LTBP1: variants seen among roughly 807,000 people sequenced by gnomAD.
LTBP1 encodes latent transforming growth factor beta binding protein 1, also known as latent-transforming growth factor beta-binding protein 1.
In LTBP1, 129 loss-of-function variants were observed where a neutral mutation model predicts 207.6. The observed-to-expected ratio is 0.62, with a 90% CI of 0.54 to 0.72. The LOEUF is 0.72. Among genes scored for constraint, LTBP1 ranks in the 30% least tolerant of loss-of-function variants. The pLI, the probability that LTBP1 is intolerant of heterozygous loss-of-function variation, is 0.00. For synonymous variants in LTBP1, 963 were observed against 833.7 expected (o/e 1.16, Z -2.67); for missense variants, 2,281 against 2,217.2 (o/e 1.03, Z -0.58).
At chr2:33,162,510 G>A (rs2084555564) in intron 5 of LTBP1, among the ~76,000 whole-genome samples, 1 of 152,100 alleles carries the variant, frequency 6.6e-6, no homozygotes, top group African/African-American at 2.4e-5. Flanking sequence ...CTTTGTTCTT[G>A]TCCTCAAATC....
chr2:33,209,662 T>TTCTATA (rs1256692635), intron 7 of LTBP1, among the ~76,000 whole-genome samples: 2 of 152,244 alleles, frequency 1.3e-5, no homozygotes, highest in Non-Finnish European at 2.9e-5. Flanking sequence ...TTTCTTTTAT[T>TTCTATA]TCTATATCTA....
chr2:33,082,431 A>AATTTTTTTTTTTTTTTTTTTTTTT lies in LTBP1; in HGVS notation c.864-28151_864-28150insATTTTTTTTTTTTTTTTTTTTTTT, dbSNP rs2078468929. Among the ~76,000 whole-genome samples, 2 of 116,044 alleles carry AATTTTTTTTTTTTTTTTTTTTTTT rather than the reference A, an allele frequency of 1.7e-5. 1 individual carries two copies. The highest frequency in any genetic ancestry group is 6.7e-5 in the African/African-American group (2 of 29,924). The allele number at this position is 116,044 out of a possible 152,430, so 76.1% of individuals were successfully genotyped here. On this transcript the variant is annotated intron_variant, in intron 3 of 33. Coordinates refer to ENST00000404816, the MANE Select transcript of LTBP1 (RefSeq NM_206943.4). ...GTTAACCGTGGCTAAAGTATGACTCACTTTTTTTTTTTTTTTTTTTTTTTT... is the reference window on the plus strand; with the variant it reads ...GTTAACCGTGGCTAAAGTATGACTCAATTTTTTTTTTTTTTTTTTTTTTTCTTTTTTTTTTTTTTTTTTTTTTTT...
chr2:33,014,023 G>T (rs1231570286), intron 2 of LTBP1, among the ~76,000 whole-genome samples: 1 of 152,114 alleles, frequency 6.6e-6, no homozygotes, highest in Non-Finnish European at 1.5e-5. Context: ...AAAATAGGGT[G>T]GAAAGAATGC....
rs624058 is a variant in LTBP1, at chr2:33,398,321, T to A, written c.4985-43T>A. On this transcript the variant is annotated intron_variant, in intron 33 of 33. Transcript: ENST00000404816. Reference sequence around the variant, plus strand: ...CCTCAGGTTATGTGTCCTCACAGAATAATATCCAAGATTGTTTACCTGCAT... The same window carrying A: ...CCTCAGGTTATGTGTCCTCACAGAAAAATATCCAAGATTGTTTACCTGCAT... 2.5e-6 allele frequency: 4 copies of A among 1,581,918 alleles called. No individual in the cohort carries two copies. The Admixed American group carries it at 6.8e-5, about 27-fold the overall frequency.
At chr2:33,229,986 T>TGA (rs1347367337) in intron 9 of LTBP1, among the ~76,000 whole-genome samples, 3 of 152,250 alleles carry the variant, frequency 2.0e-5, no homozygotes, top group South Asian at 2.1e-4. Flanking sequence ...AAATTACTAT[T>TGA]GAGAGAAGGG....
At chr2:33,162,369 CTATA>C (rs2084544528) in intron 5 of LTBP1, among the ~76,000 whole-genome samples, 1 of 152,160 alleles carries the variant, frequency 6.6e-6, no homozygotes, top group Admixed American at 6.5e-5. Flanking sequence ...GATGTCATGA[CTATA>C]TATCTAATAA....
intron 26 of LTBP1, among the ~76,000 whole-genome samples, chr2:33,351,527 A>G (rs1179264688): frequency 1.3e-5 from 2 of 152,206 alleles, no homozygotes; most frequent in Non-Finnish European, 2.9e-5. Context: ...TCACCATCCA[A>G]TATCTGTCAC....
At chr2:33,135,032 C>A (rs1008507718) in intron 5 of LTBP1, 72 bp downstream of exon 5, 12 of 1,432,358 alleles carry the variant, frequency 8.4e-6, no homozygotes, top group African/African-American at 1.4e-5. Context: ...TTAGACACCC[C>A]CTCCATTCAC....
intron 3 of LTBP1, among the ~76,000 whole-genome samples, chr2:33,061,190 A>G (rs1039486140): frequency 1.3e-5 from 2 of 152,142 alleles, no homozygotes. Context: ...AGATGGATGG[A>G]TGATACTGGT....
At chr2:33,211,136 C>A (rs1158147724) in intron 7 of LTBP1, among the ~76,000 whole-genome samples, 1 of 152,132 alleles carries the variant, frequency 6.6e-6, no homozygotes, top group Non-Finnish European at 1.5e-5. Context: ...TTCAGTTTAT[C>A]ATTTTTTAGT....
At chr2:33,159,836 T>G (rs2084301848) in intron 5 of LTBP1, among the ~76,000 whole-genome samples, 1 of 152,214 alleles carries the variant, frequency 6.6e-6, no homozygotes, top group Admixed American at 6.5e-5. Context: ...GGTATATTAT[T>G]TCCATGTACC....
At chr2:33,168,881 T>C (rs772790696) in intron 5 of LTBP1, among the ~76,000 whole-genome samples, 8 of 152,192 alleles carry the variant, frequency 5.3e-5, no homozygotes, top group Non-Finnish European at 1.2e-4. Flanking sequence ...CTCGCCTACC[T>C]ATATGCTGTC....
intron 7 of LTBP1, among the ~76,000 whole-genome samples, chr2:33,200,170 C>G (rs1282824271): frequency 6.6e-6 from 1 of 152,160 alleles, no homozygotes; most frequent in African/African-American, 2.4e-5. Context: ...ATTGCCAAGT[C>G]AATCCTAAGC....
chr2:33,140,671 T>TAA (rs1219061404), intron 5 of LTBP1, among the ~76,000 whole-genome samples: 2 of 77,302 alleles, frequency 2.6e-5, no homozygotes, highest in East Asian at 9.5e-4. Flanking sequence ...ATTAATTAAT[T>TAA]TTTTTTTTTT....
chr2:33,036,553 G>A (rs531491295), intron 3 of LTBP1, among the ~76,000 whole-genome samples: 28 of 152,166 alleles, frequency 1.8e-4, no homozygotes, highest in African/African-American at 6.7e-4. Flanking sequence ...CGCCTCCTGG[G>A]TTCAAGCTAT....
At chr2:33,186,521 G>A (rs994666404) in intron 5 of LTBP1, among the ~76,000 whole-genome samples, 1 of 152,136 alleles carries the variant, frequency 6.6e-6, no homozygotes, top group South Asian at 2.1e-4. Flanking sequence ...ATTATGGATT[G>A]CAAATGGTAC....
intron 24 of LTBP1, among the ~76,000 whole-genome samples, chr2:33,327,117 C>G (rs1470873304): frequency 6.6e-6 from 1 of 152,124 alleles, no homozygotes; most frequent in East Asian, 1.9e-4. Context: ...GGCCTTGGAG[C>G]CCACTCTCAG....
Position 33,365,517 on chromosome 2 carries a change from C to T in LTBP1, c.4711+14C>T, listed in dbSNP as rs2094974635. ...TGAAGGATTCAGGTGAGCCCATATC[C>T]AATTCCTTCTGCAGGAGGCCTTTGG... On this transcript the variant is annotated intron_variant, in intron 31 of 33. Transcript: ENST00000404816. The T allele has an allele frequency of 6.2e-7, 1 of 1,607,484 alleles. No individual in the cohort carries two copies. The highest frequency in any genetic ancestry group is 1.3e-5 in the African/African-American group (1 of 74,686).
Position 33,365,230 on chromosome 2 carries a change from TTAGAAA to T in LTBP1, c.4541-98_4541-93del. 3 of 998,658 alleles carry T rather than the reference TTAGAAA, an allele frequency of 3.0e-6. No individual in the cohort carries two copies. The South Asian group carries it at 4.6e-5, about 15-fold the overall frequency. The allele number at this position is 998,658 out of a possible 1,614,324, so 61.9% of individuals were successfully genotyped here. A position where few individuals can be genotyped will look rare whatever the true frequency, so the allele number is the denominator to read the frequency against. ...TCAGACTTTTACTTGGAAGTCACTC[TTAGAAA>T]TAGAGATGGAAACTTTGAGACTTGC... On this transcript the variant is annotated intron_variant, in intron 30 of 33. Coordinates refer to ENST00000404816, the MANE Select transcript of LTBP1 (RefSeq NM_206943.4).
Sources: gnomAD v4.1 joint callset for allele counts (sites outside exome capture counted in the v4.1 genomes callset) on GRCh38, gnomAD v4.1.1 for gene constraint, MANE v1.5 for transcripts, NCBI Gene and HGNC (gene_info 2026-07-23, HGNC 2026-07-21) for gene names.